Variants in BRD8 observed in about 807,000 individuals in gnomAD.
The protein encoded by BRD8 is bromodomain-containing protein 8.
In BRD8, 67 loss-of-function variants were observed where a neutral mutation model predicts 143.1. The ratio of observed to expected loss-of-function variants is 0.47; its 90% CI spans 0.38 to 0.57. BRD8 has a LOEUF of 0.57. BRD8 is among the 20% of genes least tolerant of loss of function. BRD8 has a pLI of 0.00. For synonymous variants in BRD8, 505 were observed against 517.1 expected, an observed-to-expected ratio of 0.98 and a Z score of 0.32; for missense variants, 1,103 against 1,503.0, an observed-to-expected ratio of 0.73 and a Z score of 4.40.
chr5:138,139,806 T>G lies in BRD8; in HGVS notation c.*268A>C. 4.4e-6 allele frequency: 2 copies of G among 450,662 alleles called. No homozygotes were observed. Among genetic ancestry groups the G allele is most frequent in the Non-Finnish European group, 7.8e-6 (2 of 254,896 alleles). 27.9% of individuals were successfully genotyped at this position (450,662 alleles called of 1,614,324 possible). A position where few individuals can be genotyped will look rare whatever the true frequency, so the allele number is the denominator to read the frequency against. On this transcript the variant is annotated 3_prime_UTR_variant, in exon 27 of 27. Coordinates refer to ENST00000254900, the MANE Select transcript of BRD8 (RefSeq NM_139199.2). ...TACATTTATTTATAGAGTAAAAGGC[T>G]TAGAAAAGATCTAATGGAATTGTCT...
chr5:138,168,805 G>C, intron 8 of BRD8: 3 of 658,688 alleles, frequency 4.6e-6, no homozygotes, highest in Non-Finnish European at 7.9e-6. Context: ...GAATTGCCCA[G>C]AAACCCTCTA....
intron 20 of BRD8, 85 bp downstream of exon 20, chr5:138,159,470 G>T: frequency 7.0e-7 from 1 of 1,420,230 alleles, no homozygotes; most frequent in Non-Finnish European, 1.0e-6. Flanking sequence ...CAGTCTGCAT[G>T]TTGGATTTCC....
chr5:138,170,506 C>G, intron 6 of BRD8, 97 bp from the exon 7 acceptor site: 1 of 1,346,294 alleles, frequency 7.4e-7, no homozygotes, highest in Non-Finnish European at 1.1e-6. Context: ...CAGGCCAGCA[C>G]TTTCTGGAAG....
At chr5:138,144,703 A>G (rs1272267304) in intron 25 of BRD8, among the ~76,000 whole-genome samples, 5 of 152,034 alleles carry the variant, frequency 3.3e-5, no homozygotes, top group Admixed American at 6.6e-5. Flanking sequence ...GGAGTTCAAG[A>G]CCAGCCTGGG....
chr5:138,157,105 T>A, intron 20 of BRD8: 3 of 1,584,036 alleles, frequency 1.9e-6, no homozygotes, highest in South Asian at 1.1e-5. Context: ...CCCAGGTACC[T>A]CCTCTTCTGT....
At chr5:138,161,178 T>G (rs1752970067) in intron 17 of BRD8, 110 bp from the exon 18 acceptor site, 2 of 829,354 alleles carry the variant, frequency 2.4e-6, no homozygotes, top group East Asian at 5.9e-5. Flanking sequence ...AACTCCCAGC[T>G]GCCAGGACTT....
rs10671440 is a variant in BRD8 at position 138,177,680 on chromosome 5, G to GAAAA, written c.20-17_20-14dup. The GAAAA allele has an allele frequency of 6.0e-4, 725 of 1,199,586 alleles. No homozygotes were observed. Among genetic ancestry groups the GAAAA allele is most frequent in the South Asian group, 6.5e-4 (47 of 72,518 alleles). The allele number at this position is 1,199,586 out of a possible 1,614,324, so 74.3% of individuals were successfully genotyped here. On this transcript the variant is annotated splice_polypyrimidine_tract_variant and intron_variant, in intron 1 of 26. Transcript: ENST00000254900. ...AGCAGCTTGTGTTCTGGGAAAGGGA[G>GAAAA]AAAAAAAAAAAAGCCTTGGAAACAA...
chr5:138,144,896 GT>G (rs2096442298), intron 25 of BRD8, among the ~76,000 whole-genome samples: 6 of 66,310 alleles, frequency 9.0e-5, no homozygotes, highest in African/African-American at 3.0e-4. Context: ...GTGAGACCCT[GT>G]CAAAAAAAAA....
At chr5:138,143,015 T>A (rs114373963) in intron 25 of BRD8, among the ~76,000 whole-genome samples, 1,808 of 152,148 alleles carry the variant, frequency 0.012, 18 homozygotes, top group Non-Finnish European at 0.019. Flanking sequence ...CCAGGCACAG[T>A]GGCTCACACC....
In BRD8 at chr5:138,145,197, C is replaced by A. The variant is rs769604639; in HGVS notation, c.3417G>T (p.Gly1139=). 1 of 1,613,940 alleles carries A rather than the reference C, an allele frequency of 6.2e-7. No homozygotes were observed. The highest frequency in any genetic ancestry group is 1.1e-5 in the South Asian group (1 of 91,056). The part of the protein sequence containing the change: ...LKPVSERQAP[G]YKDVVKRPMD... ...CTGACCTTTTCACCACATCCTTGTA[C>A]CCTGGGGCCTGCCTTTCTGACACAG... Residue 1139 remains glycine (G), a synonymous_variant, in exon 25 of 27, where the codon GGG becomes GGT. Transcript: ENST00000254900.
chr5:138,148,423 A>AGTG (rs1752247890), intron 23 of BRD8, among the ~76,000 whole-genome samples: 1 of 152,024 alleles, frequency 6.6e-6, no homozygotes, highest in Non-Finnish European at 1.5e-5. Flanking sequence ...CAGGCTGTGT[A>AGTG]GTGACATGAT....
chr5:138,173,699 G>A (rs1366751701), intron 2 of BRD8, among the ~76,000 whole-genome samples: 4 of 152,090 alleles, frequency 2.6e-5, no homozygotes, highest in Non-Finnish European at 5.9e-5. Context: ...CACCCAAGTA[G>A]CTGAAATCAC....
chr5:138,160,992 T>C lies in BRD8; in HGVS notation c.2326A>G (p.Ile776Val), dbSNP rs200600812. The change falls in exon 18 of 27, where the codon ATT becomes GTT. Residue 776 changes from isoleucine to valine, a missense_variant. Physicochemically the swap from Ile to Val is conservative, Grantham distance 29. Transcript: ENST00000254900. Reference protein sequence around the residue: ...IRSTAEFQRDIMLMFQNAVMY... With the variant: ...IRSTAEFQRDVMLMFQNAVMY... ...ACAGCATTCTGAAACATCAGCATAA[T>C]GTCACGCTGAAATTCAGCTGTGCTT... 14 of 1,613,948 alleles carry C rather than the reference T, an allele frequency of 8.7e-6. No individual in the cohort carries two copies. The highest frequency in any genetic ancestry group is 1.1e-5 in the Non-Finnish European group (13 of 1,179,964).
In BRD8 at chr5:138,165,154, G is replaced by C. The variant is rs1753299332; in HGVS notation, c.1291C>G (p.Pro431Ala). The change falls in exon 12 of 27, where the codon CCT (proline) becomes GCT (alanine). Residue 431 changes from proline to alanine, a missense_variant. By Grantham distance (27) the Pro-to-Ala change is conservative (BLOSUM62 -1). Around this residue, in one of 7 missense-constraint regions of BRD8, gnomAD observed 53 missense variants for 101.4 expected, o/e 0.52. Coordinates refer to ENST00000254900, the MANE Select transcript of BRD8 (RefSeq NM_139199.2). ...ACTGCTGCCACATCCAGCACTTCAG[G>C]ATGATCATCTACCTGTCCCACAAAA... Reference protein sequence around the residue: ...AIIEDKVDDHPEVLDVAAVEA... With the variant: ...AIIEDKVDDHAEVLDVAAVEA... The C allele has an allele frequency of 6.2e-7, 1 of 1,613,754 alleles. No individual in the cohort carries two copies. Among genetic ancestry groups the C allele is most frequent in the Non-Finnish European group, 8.5e-7 (1 of 1,179,944 alleles).
In BRD8 at chr5:138,161,876, G is replaced by T. The variant is rs1753022991; in HGVS notation, c.2181-12C>A. ...AGACATTGGCATACCTGTCCAAAAGGAATAAGGTGCAATTACTGACATTCT... is the reference window on the plus strand; with the variant it reads ...AGACATTGGCATACCTGTCCAAAAGTAATAAGGTGCAATTACTGACATTCT... On this transcript the variant is annotated splice_polypyrimidine_tract_variant and intron_variant, in intron 16 of 26. Transcript: ENST00000254900. 1.2e-6 allele frequency: 2 copies of T among 1,613,882 alleles called. No individual in the cohort carries two copies. The highest frequency in any genetic ancestry group is 2.2e-5 in the East Asian group (1 of 44,876).
Position 138,177,623 on chromosome 5 carries a change from G to A in BRD8, c.64C>T (p.Arg22Ter), listed in dbSNP as rs757170202. 5 of 1,610,144 alleles carry A rather than the reference G, an allele frequency of 3.1e-6. No homozygotes were observed. The highest frequency in any genetic ancestry group is 4.2e-6 in the Non-Finnish European group (5 of 1,179,064). Residue 22 changes from arginine to a stop codon, truncating the protein, a stop_gained, in exon 2 of 27, where the codon CGA becomes TGA. Transcript: ENST00000254900. LOFTEE classifies it high-confidence loss of function. Reference sequence around the variant, plus strand: ...GAAGATGCTAAACATAGCTTCTCTCGGATGGACCATGGCTCTGTGGGGCCA... The same window carrying A: ...GAAGATGCTAAACATAGCTTCTCTCAGATGGACCATGGCTCTGTGGGGCCA... ...STGPTEPWSI[R>*]EKLCLASSVM...
At chr5:138,143,008 G>A in intron 25 of BRD8, among the ~76,000 whole-genome samples, 1 of 151,514 alleles carries the variant, frequency 6.6e-6, no homozygotes, top group Admixed American at 6.6e-5. Context: ...TATCAGGCCA[G>A]GCACAGTGGC....
At chr5:138,169,440 A>G (rs751192372) in intron 7 of BRD8, 82 bp from the exon 8 acceptor site, 1 of 1,459,248 alleles carries the variant, frequency 6.9e-7, no homozygotes, top group Admixed American at 1.9e-5. Flanking sequence ...TATACAATAA[A>G]GGACAAATAG....
At chr5:138,170,432 G>T in intron 6 of BRD8, 23 bp from the exon 7 acceptor site, 1 of 1,613,576 alleles carries the variant, frequency 6.2e-7, no homozygotes, top group East Asian at 2.2e-5. Flanking sequence ...TTAAGGGTTA[G>T]ATGCTAGACA....
Sources: gnomAD v4.1 joint callset for allele counts (sites outside exome capture counted in the v4.1 genomes callset) on GRCh38, gnomAD v4.1.1 for gene constraint, gnomAD v4.1.1 regional missense constraint, MANE v1.5 for transcripts, NCBI Gene and HGNC (gene_info 2026-07-23, HGNC 2026-07-21) for gene names.